The following SAP130 variants were observed in gnomAD, a reference collection of about 807,000 sequenced individuals.
SAP130 encodes Sin3A associated protein 130, also known as histone deacetylase complex subunit SAP130.
A neutral mutation model predicts 103.2 loss-of-function variants in SAP130; 16 were observed. The ratio of observed to expected loss-of-function variants is 0.16; its 90% CI spans 0.10 to 0.24. The LOEUF (loss-of-function observed/expected upper bound fraction) is 0.24. SAP130 is among the 10% of genes least tolerant of loss of function. The probability of loss-of-function intolerance (pLI) is 1.00; values close to 1 mark genes in which losing one functional copy is unlikely to be tolerated. For missense variants in SAP130, 990 were observed against 1,359.7 expected (o/e 0.73, Z 4.28); for synonymous variants, 477 against 497.0 (o/e 0.96, Z 0.53).
At chr2:128,026,379 C>T (rs1685497820) in intron 1 of SAP130, 81 bp from the exon 2 acceptor site, 2 of 960,504 alleles carry the variant, frequency 2.1e-6, no homozygotes, top group East Asian at 2.4e-5. Context: ...TCTTTAGTAC[C>T]TATGAGATAG....
chr2:128,022,227 G>A (rs1391139846), intron 2 of SAP130, among the ~76,000 whole-genome samples: 1 of 152,166 alleles, frequency 6.6e-6, no homozygotes, highest in Non-Finnish European at 1.5e-5. Context: ...TATGTATCTG[G>A]ATTCTCTCCT....
At chr2:127,968,066 T>C (rs1301506063) in intron 15 of SAP130, among the ~76,000 whole-genome samples, 1 of 152,062 alleles carries the variant, frequency 6.6e-6, no homozygotes, top group African/African-American at 2.4e-5. Flanking sequence ...GAACACTTCC[T>C]TAAACTTTTG....
At chr2:127,947,239 G>T (rs1396508002) in intron 18 of SAP130, among the ~76,000 whole-genome samples, 1 of 152,016 alleles carries the variant, frequency 6.6e-6, no homozygotes, top group Admixed American at 6.6e-5. Flanking sequence ...TGGACTTCTA[G>T]CCCCCAGAAC....
intron 2 of SAP130, among the ~76,000 whole-genome samples, chr2:128,020,531 C>A (rs755909368): frequency 6.6e-6 from 1 of 152,136 alleles, no homozygotes; most frequent in Non-Finnish European, 1.5e-5. Context: ...ACACGAGTAA[C>A]GTACAAATTA....
At chr2:127,999,046 G>A (rs559502767) in intron 10 of SAP130, among the ~76,000 whole-genome samples, 1 of 152,146 alleles carries the variant, frequency 6.6e-6, no homozygotes, top group African/African-American at 2.4e-5. Flanking sequence ...AATTCAGAAG[G>A]TTACGGGAAA....
intron 4 of SAP130, among the ~76,000 whole-genome samples, chr2:128,015,304 T>C (rs1485720833): frequency 6.6e-6 from 1 of 152,202 alleles, no homozygotes; most frequent in East Asian, 1.9e-4. Context: ...CTTTAAGCTT[T>C]TTTGTTTCTA....
rs201094699 is a variant in SAP130, at chr2:127,951,965, A to G, written c.2423-1557T>C. Reference sequence around the variant, plus strand: ...CCCACCACCTTATCTCCCCATCTCCACTGTGTCCCTATATTCTCCTTCTCT... The same window carrying G: ...CCCACCACCTTATCTCCCCATCTCCGCTGTGTCCCTATATTCTCCTTCTCT... On this transcript the variant is annotated intron_variant, in intron 16 of 20. Transcript: ENST00000643581. 4.6e-5 allele frequency among the ~76,000 whole-genome samples: 7 copies of G among 152,026 alleles called. No individual in the cohort carries two copies. The East Asian group carries it at 1.2e-3, about 25-fold the overall frequency.
intron 6 of SAP130, among the ~76,000 whole-genome samples, chr2:128,010,989 A>C (rs1034955828): frequency 6.6e-6 from 1 of 151,440 alleles, no homozygotes; most frequent in Non-Finnish European, 1.5e-5. Flanking sequence ...TGAACAGTAC[A>C]TGAGTCCCTC....
At chr2:127,973,529 T>G (rs1681241319) in intron 15 of SAP130, among the ~76,000 whole-genome samples, 1 of 152,246 alleles carries the variant, frequency 6.6e-6, no homozygotes, top group African/African-American at 2.4e-5. Flanking sequence ...CGTGAGCCCC[T>G]GTGCCCGGCT....
Position 127,942,406 on chromosome 2 carries a change from G to A in SAP130, c.3015+18C>T, listed in dbSNP as rs745604894. ...CTTCATAAAGTAGATGATCAGAAGGGAAGGGGCGCACTCAAACCTGTATCA... is the reference window on the plus strand; with the variant it reads ...CTTCATAAAGTAGATGATCAGAAGGAAAGGGGCGCACTCAAACCTGTATCA... On this transcript the variant is annotated intron_variant, in intron 20 of 20. Coordinates refer to ENST00000643581, the MANE Select transcript of SAP130 (RefSeq NM_001330301.2). The surrounding 1 kb of genome is among the most constrained non-coding windows in gnomAD (Gnocchi z 4.8). The A allele has an allele frequency of 9.8e-6, 15 of 1,535,888 alleles. No homozygotes were observed. The highest frequency in any genetic ancestry group is 1.3e-5 in the Non-Finnish European group (14 of 1,108,786).
At chr2:128,024,357 A>G (rs1685353815) in intron 2 of SAP130, among the ~76,000 whole-genome samples, 1 of 152,014 alleles carries the variant, frequency 6.6e-6, no homozygotes, top group African/African-American at 2.4e-5. Flanking sequence ...AAGGCTAAAT[A>G]GTAAGAAATG....
intron 2 of SAP130, among the ~76,000 whole-genome samples, chr2:128,018,483 C>CA (rs759445928): frequency 0.21 from 14,373 of 68,670 alleles, 952 homozygotes; most frequent in East Asian, 0.28. Flanking sequence ...AGATTGTCTC[C>CA]AAAAAAAAAA....
At chr2:128,015,940 CAAAAA>C (rs58340147) in intron 4 of SAP130, among the ~76,000 whole-genome samples, 1 of 97,526 alleles carries the variant, frequency 1.0e-5, no homozygotes. Context: ...GATTCTGTCT[CAAAAA>C]AAAAAAAAAA....
At chr2:128,000,023 C>A in intron 9 of SAP130, 33 bp downstream of exon 9, 4 of 1,597,696 alleles carry the variant, frequency 2.5e-6, no homozygotes, top group Non-Finnish European at 2.6e-6. Context: ...TCCTTTTTCC[C>A]CAGTAGAAGG....
chr2:127,951,636 G>T (rs1679502756), intron 16 of SAP130, among the ~76,000 whole-genome samples: 1 of 152,010 alleles, frequency 6.6e-6, no homozygotes, highest in Non-Finnish European at 1.5e-5. Flanking sequence ...TTCCTTCATT[G>T]TCCCTTCCTT....
chr2:128,004,750 G>A (rs910191636), intron 7 of SAP130, among the ~76,000 whole-genome samples: 1 of 152,146 alleles, frequency 6.6e-6, no homozygotes, highest in African/African-American at 2.4e-5. Context: ...TAGTGTGCGG[G>A]GGACCTAGGG....
intron 7 of SAP130, among the ~76,000 whole-genome samples, chr2:128,006,010 A>G (rs962860629): frequency 6.6e-6 from 1 of 152,152 alleles, no homozygotes; most frequent in Non-Finnish European, 1.5e-5. Context: ...TACAAAATAA[A>G]TGCTATGAAA....
intron 7 of SAP130, among the ~76,000 whole-genome samples, chr2:128,009,688 C>A (rs541618126): frequency 9.2e-5 from 14 of 152,232 alleles, no homozygotes; most frequent in African/African-American, 3.4e-4. Context: ...ATGCCCCAGC[C>A]GAGTCCATGT....
chr2:128,016,080 A>T (rs766944488), intron 4 of SAP130, among the ~76,000 whole-genome samples: 39 of 151,942 alleles, frequency 2.6e-4, no homozygotes, highest in Non-Finnish European at 4.1e-4. Context: ...CTAAAACCAA[A>T]CACGAACCGG....
Sources: gnomAD v4.1 joint callset for allele counts (sites outside exome capture counted in the v4.1 genomes callset) on GRCh38, gnomAD v4.1.1 for gene constraint, Gnocchi (gnomAD v3.1) non-coding constraint, MANE v1.5 for transcripts, NCBI Gene and HGNC (gene_info 2026-07-23, HGNC 2026-07-21) for gene names.